HIVEP2: variants seen among roughly 807,000 people sequenced by gnomAD.
HIVEP2 encodes HIVEP zinc finger 2.
In HIVEP2, 14 loss-of-function variants were observed where a neutral mutation model predicts 180.7. The ratio of observed to expected loss-of-function variants is 0.08; its 90% CI spans 0.05 to 0.12. The LOEUF is 0.12. HIVEP2 is among the 10% of genes least tolerant of loss of function. The probability of loss-of-function intolerance (pLI) is 1.00; values close to 1 mark genes in which losing one functional copy is unlikely to be tolerated. For synonymous variants in HIVEP2, 1,184 were observed against 1,136.4 expected, an observed-to-expected ratio of 1.04 and a Z score of -0.84; for missense variants, 2,579 against 3,008.5, an observed-to-expected ratio of 0.86 and a Z score of 3.34.
chr6:142,831,479 G>A (rs58896788), intron 2 of HIVEP2, among the ~76,000 whole-genome samples: 1,925 of 152,266 alleles, frequency 0.013, 43 homozygotes, highest in African/African-American at 0.043. Context: ...TCTGAGTGCA[G>A]TGCTCTCCTG....
At chr6:142,767,825 C>T (rs1248200472) in intron 6 of HIVEP2, among the ~76,000 whole-genome samples, 1 of 152,154 alleles carries the variant, frequency 6.6e-6, no homozygotes, top group Admixed American at 6.5e-5. Context: ...AAGTGTCATA[C>T]ACCAGAGAAG....
At chr6:142,844,042 C>T (rs760418860) in intron 1 of HIVEP2, among the ~76,000 whole-genome samples, 2 of 152,100 alleles carry the variant, frequency 1.3e-5, no homozygotes, top group Non-Finnish European at 1.5e-5. Context: ...GGCACATACC[C>T]ACACAACACC....
intron 1 of HIVEP2, among the ~76,000 whole-genome samples, chr6:142,851,690 A>C (rs1775677556): frequency 1.3e-5 from 2 of 152,232 alleles, no homozygotes; most frequent in African/African-American, 4.8e-5. Context: ...CATAGTGGCA[A>C]TGTAAAAAGA....
At chr6:142,922,420 C>T (rs1019845644) in intron 1 of HIVEP2, among the ~76,000 whole-genome samples, 2 of 152,136 alleles carry the variant, frequency 1.3e-5, no homozygotes, top group African/African-American at 2.4e-5. Context: ...GCTCTCAATT[C>T]GCATTTAATA....
chr6:142,839,945 G>A (rs1775321406), intron 1 of HIVEP2, among the ~76,000 whole-genome samples: 1 of 152,146 alleles, frequency 6.6e-6, no homozygotes, highest in African/African-American at 2.4e-5. Flanking sequence ...TAGAGCCACT[G>A]TGCCTCTCAT....
At chr6:142,938,354 A>G (rs1285966698) in intron 1 of HIVEP2, among the ~76,000 whole-genome samples, 1 of 152,268 alleles carries the variant, frequency 6.6e-6, no homozygotes, top group Non-Finnish European at 1.5e-5. Flanking sequence ...AGCGTTTCAT[A>G]TGTACACTAT....
At chr6:142,861,852 G>A (rs575272833) in intron 1 of HIVEP2, among the ~76,000 whole-genome samples, 5 of 152,218 alleles carry the variant, frequency 3.3e-5, no homozygotes, top group South Asian at 4.2e-4. Context: ...ACACCAGTCC[G>A]GGTGGAAGCC....
Position 142,772,924 on chromosome 6 carries a change from G to A in HIVEP2, c.1815C>T (p.His605=), listed in dbSNP as rs888890754. Reference sequence around the variant, plus strand: ...TCCTGCCATGGTGCTCGACTTCCACGTGGCCCTCCTGTACCGAAGGCAGCT... The same window carrying A: ...TCCTGCCATGGTGCTCGACTTCCACATGGCCCTCCTGTACCGAAGGCAGCT... ...AFELPSVQEG[H]VEVEHHGRML... Residue 605 remains histidine (H), a synonymous_variant, in exon 5 of 10, where the codon CAC becomes CAT. Coordinates refer to ENST00000367603, the MANE Select transcript of HIVEP2 (RefSeq NM_006734.4). The surrounding 1 kb of genome is among the most constrained non-coding windows in gnomAD (Gnocchi z 4.9). 8 of 1,614,020 alleles carry A rather than the reference G, an allele frequency of 5.0e-6. No homozygotes were observed. The highest frequency in any genetic ancestry group is 3.3e-5 in the Admixed American group (2 of 60,004).
At chr6:142,906,321 C>T (rs912303312) in intron 1 of HIVEP2, among the ~76,000 whole-genome samples, 2 of 151,440 alleles carry the variant, frequency 1.3e-5, no homozygotes, top group Admixed American at 1.3e-4. Context: ...AATAGTAGAA[C>T]CAAGTAGATA....
chr6:142,777,349 T>C (rs1401160493), intron 3 of HIVEP2, among the ~76,000 whole-genome samples: 2 of 152,072 alleles, frequency 1.3e-5, no homozygotes, highest in Non-Finnish European at 2.9e-5. Flanking sequence ...GAAAAGCTTA[T>C]TGCACCCTAG....
chr6:142,767,093 T>C (rs1775397932), intron 6 of HIVEP2, among the ~76,000 whole-genome samples: 1 of 152,160 alleles, frequency 6.6e-6, no homozygotes, highest in Admixed American at 6.5e-5. Flanking sequence ...CACATACGCT[T>C]TTTCACTTGT....
At chr6:142,862,594 T>C (rs9390024) in intron 1 of HIVEP2, among the ~76,000 whole-genome samples, 3 of 145,558 alleles carry the variant, frequency 2.1e-5, no homozygotes, top group African/African-American at 2.5e-5. Context: ...TTATAATACA[T>C]ATAATCGATT....
chr6:142,825,689 T>C (rs1461243688), intron 2 of HIVEP2, among the ~76,000 whole-genome samples: 1 of 152,170 alleles, frequency 6.6e-6, no homozygotes, highest in Non-Finnish European at 1.5e-5. Context: ...TTTCCAAACT[T>C]AATTCTCTAA....
intron 2 of HIVEP2, among the ~76,000 whole-genome samples, chr6:142,802,865 G>A (rs1776447586): frequency 6.6e-6 from 1 of 152,108 alleles, no homozygotes. Flanking sequence ...AAGAGGTAAA[G>A]TCCTGCCATG....
chr6:142,902,561 T>C (rs1169021076), intron 1 of HIVEP2, among the ~76,000 whole-genome samples: 1 of 152,192 alleles, frequency 6.6e-6, no homozygotes, highest in African/African-American at 2.4e-5. Context: ...AGTAATATTG[T>C]TTAGATAGGA....
chr6:142,908,155 T>C (rs536187258), intron 1 of HIVEP2, among the ~76,000 whole-genome samples: 1 of 152,340 alleles, frequency 6.6e-6, no homozygotes, highest in Admixed American at 6.5e-5. Context: ...TCCCATCTCC[T>C]GACTTTCACT....
At chr6:142,755,242 A>G (rs1775034299) in intron 9 of HIVEP2, among the ~76,000 whole-genome samples, 1 of 152,240 alleles carries the variant, frequency 6.6e-6, no homozygotes, top group African/African-American at 2.4e-5. Context: ...AGTGTGAGTG[A>G]AACGGTGCAA....
chr6:142,862,940 A>C (rs1776039200), intron 1 of HIVEP2, among the ~76,000 whole-genome samples: 1 of 135,552 alleles, frequency 7.4e-6, no homozygotes, highest in Non-Finnish European at 1.5e-5. Context: ...TGTACTTTAC[A>C]TATAATATAA....
intron 1 of HIVEP2, among the ~76,000 whole-genome samples, chr6:142,843,257 G>T (rs1256577619): frequency 2.0e-5 from 3 of 152,132 alleles, no homozygotes; most frequent in African/African-American, 7.2e-5. Flanking sequence ...TTTCCTAATA[G>T]CCAGACACCA....
Sources: gnomAD v4.1 joint callset for allele counts (sites outside exome capture counted in the v4.1 genomes callset) on GRCh38, gnomAD v4.1.1 for gene constraint, Gnocchi (gnomAD v3.1) non-coding constraint, MANE v1.5 for transcripts, NCBI Gene and HGNC (gene_info 2026-07-23, HGNC 2026-07-21) for gene names.